The following RPS25 variants were observed in gnomAD, a reference collection of about 807,000 sequenced individuals.
RPS25 encodes small ribosomal subunit protein eS25.
In RPS25, 1 loss-of-function variant was observed where a neutral mutation model predicts 14.4. The observed-to-expected ratio is 0.07, with a 90% CI of 0.02 to 0.33. The LOEUF (loss-of-function observed/expected upper bound fraction) is 0.33, where lower values mean the gene tolerates loss of function less well. Ranked by LOEUF, RPS25 falls within the 10% of genes least tolerant of loss-of-function variation. RPS25 has a pLI of 1.00. For synonymous variants in RPS25, 63 were observed against 53.8 expected (o/e 1.17, Z -0.75); for missense variants, 65 against 144.6 (o/e 0.45, Z 2.82).
intron 3 of RPS25, among the ~76,000 whole-genome samples, chr11:119,016,389 C>T (rs950643278): frequency 6.6e-6 from 1 of 152,024 alleles, no homozygotes; most frequent in African/African-American, 2.4e-5. Context: ...ATGGCAAAAC[C>T]GCATCTCTAT....
In RPS25 at chr11:119,015,943, G is replaced by A; in HGVS notation, c.284-4C>T. On this transcript the variant is annotated splice_region_variant and splice_polypyrimidine_tract_variant and intron_variant, in intron 3 of 4. Coordinates refer to ENST00000527673, the MANE Select transcript of RPS25 (RefSeq NM_001028.3). ...TTTGAAACCAGTTTGATAAGTCCTA[G>A]GGGGAGAGAATAGCACGATGAGATG... 3 of 1,566,630 alleles carry A rather than the reference G, an allele frequency of 1.9e-6. No individual in the cohort carries two copies. The highest frequency in any genetic ancestry group is 2.6e-6 in the Non-Finnish European group (3 of 1,137,026).
At position 119,017,597 on chromosome 11, in the gene RPS25, C is replaced by T. The variant is rs1022058959; in HGVS notation, c.100-52G>A. On this transcript the variant is annotated intron_variant, in intron 2 of 4. Transcript: ENST00000527673. Reference sequence around the variant, plus strand: ...AGTTAGTATTTCTGGCAGAAGCACCCTTTCCCTCTCGAGTAATCTGCGTCA... The same window carrying T: ...AGTTAGTATTTCTGGCAGAAGCACCTTTTCCCTCTCGAGTAATCTGCGTCA... 4.7e-6 allele frequency: 7 copies of T among 1,497,112 alleles called. No individual in the cohort carries two copies. In the African/African-American group the frequency reaches 9.7e-5, roughly 21 times the overall value. 92.7% of individuals were successfully genotyped at this position (1,497,112 alleles called of 1,614,324 possible).
chr11:119,016,538 A>G (rs1170674901), intron 3 of RPS25, among the ~76,000 whole-genome samples: 1 of 151,970 alleles, frequency 6.6e-6, no homozygotes, highest in Non-Finnish European at 1.5e-5. Context: ...ACCTGGCTCC[A>G]GAATTGCTTA....
At chr11:119,017,021 A>T (rs1164393161) in intron 3 of RPS25, among the ~76,000 whole-genome samples, 2 of 152,240 alleles carry the variant, frequency 1.3e-5, no homozygotes, top group African/African-American at 4.8e-5. Context: ...CAAAATATTT[A>T]CCATAAAGGT....
At chr11:119,017,640 G>A (rs1943194167) in intron 2 of RPS25, 95 bp from the exon 3 acceptor site, 6 of 1,122,420 alleles carry the variant, frequency 5.3e-6, no homozygotes, top group African/African-American at 3.1e-5. Flanking sequence ...CTGTTCCACC[G>A]TTATCAAGGA....
In RPS25 at chr11:119,015,847, A is replaced by C; in HGVS notation, c.376T>G (p.Ter126GlyextTer15). ...CCCACACATTCCTACTCACCTATTC[A>C]TGCATCTTCACCAGCAGCTGGAGCA... ...GDAPAAGEDA* is the reference protein window; with the variant it reads ...GDAPAAGEDAG Residue 126 changes from the stop codon to glycine (G), a stop_lost, in exon 4 of 5, where the codon TGA becomes GGA. Transcript: ENST00000527673. The C allele has an allele frequency of 6.3e-7, 1 of 1,585,406 alleles. No individual in the cohort carries two copies.
intron 1 of RPS25, 45 bp downstream of exon 1, chr11:119,018,237 C>T (rs1299675010): frequency 3.7e-6 from 6 of 1,613,888 alleles, no homozygotes; most frequent in South Asian, 2.2e-5. Flanking sequence ...CCCACTGAGT[C>T]CTCAAACCCA....
At chr11:119,016,711 A>G (rs1298748363) in intron 3 of RPS25, among the ~76,000 whole-genome samples, 1 of 135,150 alleles carries the variant, frequency 7.4e-6, no homozygotes, top group Non-Finnish European at 1.5e-5. Context: ...GCTCACTGCC[A>G]CCTCCATCTC....
rs545097784 is a variant in RPS25 at position 119,018,129 on chromosome 11, C to T, written c.4-76G>A. The T allele has an allele frequency of 3.6e-5, 56 of 1,562,428 alleles. No homozygotes were observed. The African/African-American group carries it at 4.2e-4, about 12-fold the overall frequency. On this transcript the variant is annotated intron_variant, in intron 1 of 4. Transcript: ENST00000527673. ...CCCCTAATACTGCGCCCTCAGCCCC[C>T]GCAAACTCCACCACCAGAGCACATG...
At chr11:119,018,136 T>A in intron 1 of RPS25, 83 bp from the exon 2 acceptor site, 1 of 1,561,482 alleles carries the variant, frequency 6.4e-7, no homozygotes, top group Admixed American at 1.7e-5. Context: ...CCCCGCAAAC[T>A]CCACCACCAG....
rs1320720158 is a variant in RPS25 at position 119,015,868 on chromosome 11, G to A, written c.355C>T (p.Pro119Ser). 1.2e-6 allele frequency: 2 copies of A among 1,608,940 alleles called. No homozygotes were observed. The highest frequency in any genetic ancestry group is 1.7e-6 in the Non-Finnish European group (2 of 1,175,312). The change falls in exon 4 of 5, where the codon CCA (proline) becomes TCA (serine). Residue 119 changes from proline (P) to serine (S), a missense_variant. Physicochemically the swap from Pro to Ser is moderately conservative, Grantham distance 74. Transcript: ENST00000527673. ...ATTCATGCATCTTCACCAGCAGCTG[G>A]AGCATCTCCACCCTTGGTATTTCTG... ...YTRNTKGGDA[P>S]AAGEDA
chr11:119,017,661 A>C, intron 2 of RPS25, 116 bp from the exon 3 acceptor site: 1 of 992,276 alleles, frequency 1.0e-6, no homozygotes, highest in Non-Finnish European at 1.5e-6. Flanking sequence ...TAAATTACAC[A>C]TTACTAAAAC....
Position 119,015,746 on chromosome 11 carries a change from C to G in RPS25, c.*17G>C. On this transcript the variant is annotated 3_prime_UTR_variant, in exon 5 of 5. Coordinates refer to ENST00000527673, the MANE Select transcript of RPS25 (RefSeq NM_001028.3). The stretch of plus-strand genomic sequence containing the variant: ...ATAAAGTTTTATTTTTCCAAATGTA[C>G]AGCTGGTTGGACCTGTAAAAAAAAA... 2 of 1,253,584 alleles carry G rather than the reference C, an allele frequency of 1.6e-6. No homozygotes were observed. Among genetic ancestry groups the G allele is most frequent in the Non-Finnish European group, 2.3e-6 (2 of 869,334 alleles). The allele number at this position is 1,253,584 out of a possible 1,614,324, so 77.7% of individuals were successfully genotyped here.
At position 119,017,465 on chromosome 11, in the gene RPS25, C is replaced by T. The variant is rs782711001; in HGVS notation, c.180G>A (p.Lys60=). Reference sequence around the variant, plus strand: ...TTATAAGTTTATAGTTGGGAACTTCCTTACAGAGTTTATCATAGGTAGCTT... The same window carrying T: ...TTATAAGTTTATAGTTGGGAACTTCTTTACAGAGTTTATCATAGGTAGCTT... ...FDKATYDKLC[K]EVPNYKLITP... The change falls in exon 3 of 5, where the codon AAG becomes AAA. Residue 60 remains lysine (K), a synonymous_variant. Transcript: ENST00000527673. 12 of 1,614,086 alleles carry T rather than the reference C, an allele frequency of 7.4e-6. No homozygotes were observed. The highest frequency in any genetic ancestry group is 7.6e-6 in the Non-Finnish European group (9 of 1,179,964).
intron 3 of RPS25, among the ~76,000 whole-genome samples, chr11:119,016,222 G>A (rs1179728157): frequency 6.6e-6 from 1 of 152,086 alleles, no homozygotes; most frequent in Non-Finnish European, 1.5e-5. Context: ...GGAATTGGTG[G>A]TTGCATTGAG....
chr11:119,016,085 G>T, intron 3 of RPS25, 146 bp from the exon 4 acceptor site: 1 of 566,706 alleles, frequency 1.8e-6, no homozygotes, highest in South Asian at 2.2e-5. Flanking sequence ...GTAAGGAGTT[G>T]CACACCAGCC....
intron 3 of RPS25, 76 bp from the exon 4 acceptor site, chr11:119,016,015 C>T (rs936237906): frequency 6.4e-5 from 58 of 903,518 alleles, no homozygotes; most frequent in African/African-American, 1.6e-4. Flanking sequence ...TGGCTGGGCG[C>T]GGTGGCTCAT....
Position 119,017,980 on chromosome 11 carries a change from G to A in RPS25, c.77C>T (p.Ser26Phe). ...TACCTTCTTTTTGGCCTTGCCCCCG[G>A]ATTTGTTCACTGGGTCTTTGTCTTT... is the stretch of plus-strand genomic sequence containing the variant. ...AKKDKDPVNKSGGKAKKKKWS... is the reference protein window; with the variant it reads ...AKKDKDPVNKFGGKAKKKKWS... Residue 26 changes from serine (S) to phenylalanine (F), a missense_variant, in exon 2 of 5, where the codon TCC (serine) becomes TTC (phenylalanine). Coordinates refer to ENST00000527673, the MANE Select transcript of RPS25 (RefSeq NM_001028.3). 3 of 1,612,450 alleles carry A rather than the reference G, an allele frequency of 1.9e-6. No individual in the cohort carries two copies. Among genetic ancestry groups the A allele is most frequent in the Non-Finnish European group, 2.5e-6 (3 of 1,179,938 alleles).
chr11:119,015,949 G>A lies in RPS25; in HGVS notation c.284-10C>T, dbSNP rs200460989. 182 of 1,516,360 alleles carry A rather than the reference G, an allele frequency of 1.2e-4. No individual in the cohort carries two copies. The highest frequency in any genetic ancestry group is 1.6e-4 in the Non-Finnish European group (178 of 1,091,704). 93.9% of individuals were successfully genotyped at this position (1,516,360 alleles called of 1,614,324 possible). ...ACCAGTTTGATAAGTCCTAGGGGGA[G>A]AGAATAGCACGATGAGATGCTTAAC... On this transcript the variant is annotated splice_polypyrimidine_tract_variant and intron_variant, in intron 3 of 4. Transcript: ENST00000527673.
Sources: allele counts gnomAD v4.1 joint callset (sites outside exome capture counted in the v4.1 genomes callset), GRCh38; gene constraint gnomAD v4.1.1; transcripts MANE v1.5; gene names NCBI Gene and HGNC (gene_info 2026-07-23, HGNC 2026-07-21).